The following SOD2 variants were observed in gnomAD, a reference collection of about 807,000 sequenced individuals.
The protein encoded by SOD2 is superoxide dismutase [Mn], mitochondrial.
SOD2 carries 11 observed loss-of-function variants against 27.0 expected under a neutral mutation model. The ratio of observed to expected loss-of-function variants is 0.41; its 90% CI spans 0.26 to 0.67. The LOEUF (loss-of-function observed/expected upper bound fraction) is 0.67. Ranked by LOEUF, SOD2 falls within the 30% of genes least tolerant of loss-of-function variation. SOD2 has a pLI of 0.34. For synonymous variants in SOD2, 105 were observed against 103.0 expected, an observed-to-expected ratio of 1.02 and a Z score of -0.12; for missense variants, 250 against 274.5, an observed-to-expected ratio of 0.91 and a Z score of 0.63.
intron 1 of SOD2, among the ~76,000 whole-genome samples, chr6:159,733,136 TAATAAACTG>T (rs959904613): frequency 6.3e-4 from 95 of 151,776 alleles, no homozygotes; most frequent in African/African-American, 2.3e-3. Context: ...GCAGCAGAGA[TAATAAACTG>T]GGCAACAAGG....
chr6:159,737,165 G>A (rs969327891), intron 1 of SOD2, among the ~76,000 whole-genome samples: 2 of 151,736 alleles, frequency 1.3e-5, no homozygotes, highest in South Asian at 4.2e-4. Flanking sequence ...ATCCCACCTC[G>A]GCCTCCTGAG....
chr6:159,754,580 T>C (rs1779934964), intron 1 of SOD2, among the ~76,000 whole-genome samples: 1 of 152,212 alleles, frequency 6.6e-6, no homozygotes, highest in Non-Finnish European at 1.5e-5. Context: ...AAGCCCCTCA[T>C]ATAAAATGAT....
chr6:159,712,748 C>T, intron 1 of SOD2: 1 of 471,918 alleles, frequency 2.1e-6, no homozygotes, highest in Non-Finnish European at 4.2e-6. Flanking sequence ...ACTCAGACCA[C>T]CATAACCACC....
At chr6:159,692,903 G>A (rs1287131122) in intron 1 of SOD2, 40 bp from the exon 2 acceptor site, 3 of 1,520,434 alleles carry the variant, frequency 2.0e-6, no homozygotes, top group South Asian at 2.5e-5. Flanking sequence ...TCAGCGCCGC[G>A]GGACCGTCTA....
chr6:159,761,708 AAAG>A, exon 1 of SOD2: 1 of 370,722 alleles, frequency 2.7e-6, no homozygotes, highest in South Asian at 2.0e-5. Flanking sequence ...TTTTTAAAAA[AAAG>A]CCCAAGACGT....
At chr6:159,745,341 G>A (rs1050885553), upstream of SOD2, among the ~76,000 whole-genome samples, 2 of 152,078 alleles carry the variant, frequency 1.3e-5, no homozygotes, top group African/African-American at 2.4e-5. Flanking sequence ...ATCATATTAC[G>A]CCTGGTCAAG....
chr6:159,744,815 G>A (rs1184795964), intron 1 of SOD2, among the ~76,000 whole-genome samples: 1 of 152,074 alleles, frequency 6.6e-6, no homozygotes, highest in African/African-American at 2.4e-5. Context: ...CCGAGTAACT[G>A]ATTTCAGGTG....
chr6:159,687,152 A>G (rs1780229728), intron 3 of SOD2, among the ~76,000 whole-genome samples: 1 of 152,192 alleles, frequency 6.6e-6, no homozygotes, highest in African/African-American at 2.4e-5. Context: ...ACAGACGGTT[A>G]ACTATCTAAT....
exon 1 of SOD2, chr6:159,761,542 C>T (rs754194445): frequency 2.2e-6 from 1 of 456,444 alleles, no homozygotes. Flanking sequence ...CTCCCGAAGC[C>T]GCCGAGAGCA....
rs369164680 is a variant in SOD2, at chr6:159,741,420, T to A, written c.-116+3710A>T. Among the ~76,000 whole-genome samples the A allele has an allele frequency of 7.9e-5, 12 of 152,298 alleles. 1 individual carries two copies. In the East Asian group the frequency reaches 1.5e-3, roughly 20 times the overall value. Reference sequence around the variant, plus strand: ...TGGTATTTTCCCAAAAGAGCCAAGATAAAGAACCTTCAATTCTACATAATG... The same window carrying A: ...TGGTATTTTCCCAAAAGAGCCAAGAAAAAGAACCTTCAATTCTACATAATG... On this transcript the variant is annotated intron_variant, in intron 1 of 3. Transcript: ENST00000537657.
intron 1 of SOD2, among the ~76,000 whole-genome samples, chr6:159,753,810 T>C (rs1311168696): frequency 2.0e-5 from 3 of 147,454 alleles, no homozygotes; most frequent in Admixed American, 1.3e-4. Context: ...ATCCCCACCC[T>C]CCTAATTCTT....
At chr6:159,683,350 T>G (rs1489165091) in intron 4 of SOD2, among the ~76,000 whole-genome samples, 1 of 151,944 alleles carries the variant, frequency 6.6e-6, no homozygotes, top group Non-Finnish European at 1.5e-5. Flanking sequence ...CCTGGCGAGG[T>G]GGCAGGCGCC....
chr6:159,700,393 G>A (rs989796068), intron 1 of SOD2, among the ~76,000 whole-genome samples: 1 of 152,118 alleles, frequency 6.6e-6, no homozygotes, highest in Admixed American at 6.6e-5. Flanking sequence ...GGTGGCTCAC[G>A]CCTGTAATCC....
intron 1 of SOD2, among the ~76,000 whole-genome samples, chr6:159,710,528 T>C (rs543960900): frequency 5.3e-5 from 8 of 152,268 alleles, no homozygotes; most frequent in Non-Finnish European, 1.0e-4. Flanking sequence ...TTACCCATTA[T>C]ACGGGATATA....
chr6:159,748,914 C>T (rs1409709132), upstream of SOD2: 1 of 1,165,280 alleles, frequency 8.6e-7, no homozygotes, highest in Non-Finnish European at 1.1e-6. This position sits in a 1 kb window ranked among gnomAD's most constrained non-coding sequence, Gnocchi z 5.6. Context: ...TGTTGAACTT[C>T]TGGGTCAAAA....
intron 1 of SOD2, among the ~76,000 whole-genome samples, chr6:159,702,835 G>A (rs539606113): frequency 2.7e-4 from 27 of 100,914 alleles, no homozygotes; most frequent in South Asian, 1.6e-3. Context: ...GGGCGACAGA[G>A]CAAGACCCTA....
At chr6:159,751,123 T>C (rs1779804247) in intron 1 of SOD2, among the ~76,000 whole-genome samples, 2 of 152,152 alleles carry the variant, frequency 1.3e-5, no homozygotes, top group African/African-American at 4.8e-5. Flanking sequence ...TTTTAAAAAA[T>C]TATTTCAAAA....
intron 1 of SOD2, chr6:159,753,344 A>C: frequency 7.4e-7 from 1 of 1,352,598 alleles, no homozygotes; most frequent in Non-Finnish European, 1.0e-6. Context: ...ATTATGGGGA[A>C]GCATCTGCTG....
chr6:159,704,673 T>A (rs1562433600), intron 1 of SOD2, among the ~76,000 whole-genome samples: 2 of 152,236 alleles, frequency 1.3e-5, no homozygotes, highest in South Asian at 4.1e-4. Flanking sequence ...GAGGCCTGCC[T>A]GCCTCTGTAG....
Sources: gnomAD v4.1 joint callset for allele counts (sites outside exome capture counted in the v4.1 genomes callset) on GRCh38, gnomAD v4.1.1 for gene constraint, Gnocchi (gnomAD v3.1) non-coding constraint, MANE v1.5 for transcripts, NCBI Gene and HGNC (gene_info 2026-07-23, HGNC 2026-07-21) for gene names.